Variants in CDH12 observed in about 807,000 individuals in gnomAD.
CDH12 encodes cadherin 12.
In CDH12, 41 loss-of-function variants were observed where a neutral mutation model predicts 74.1. That is an observed-to-expected ratio of 0.55 (90% CI 0.43 to 0.72). CDH12 has a LOEUF of 0.72. CDH12 is among the 30% of genes least tolerant of loss of function. The probability of loss-of-function intolerance (pLI) is 0.00; values close to 1 mark genes in which losing one functional copy is unlikely to be tolerated. For synonymous variants in CDH12, 399 were observed against 355.0 expected, an observed-to-expected ratio of 1.12 and a Z score of -1.39; for missense variants, 945 against 977.2, an observed-to-expected ratio of 0.97 and a Z score of 0.44.
intron 2 of CDH12, among the ~76,000 whole-genome samples, chr5:22,422,580 A>G (rs1210458578): frequency 6.6e-6 from 1 of 152,166 alleles, no homozygotes; most frequent in East Asian, 1.9e-4. Flanking sequence ...GATATCAACA[A>G]ATAACACTTG....
chr5:21,933,554 A>G (rs1754940033), intron 6 of CDH12, among the ~76,000 whole-genome samples: 1 of 152,228 alleles, frequency 6.6e-6, no homozygotes, highest in African/African-American at 2.4e-5. Context: ...TTGATGGAAT[A>G]TCATCCATAT....
At chr5:22,823,281 C>T (rs1002496365) in intron 1 of CDH12, among the ~76,000 whole-genome samples, 9 of 151,636 alleles carry the variant, frequency 5.9e-5, no homozygotes, top group South Asian at 4.2e-4. Context: ...ACACCTAATG[C>T]TAAATGACGA....
intron 1 of CDH12, among the ~76,000 whole-genome samples, chr5:22,564,737 G>A (rs1739211883): frequency 6.6e-6 from 1 of 151,778 alleles, no homozygotes; most frequent in African/African-American, 2.4e-5. Context: ...TTGATTTGTT[G>A]TATTTAACTT....
intron 1 of CDH12, among the ~76,000 whole-genome samples, chr5:22,673,072 A>G (rs1239030522): frequency 3.3e-5 from 5 of 152,020 alleles, no homozygotes; most frequent in Admixed American, 3.3e-4. Flanking sequence ...CCTTGTAACA[A>G]AAGTCAATTA....
chr5:21,892,010 T>G (rs1344297987), intron 6 of CDH12, among the ~76,000 whole-genome samples: 1 of 152,164 alleles, frequency 6.6e-6, no homozygotes, highest in African/African-American at 2.4e-5. Context: ...TTTTAGCTGA[T>G]CATGACTGCT....
chr5:22,358,170 A>G (rs1404098100), intron 3 of CDH12, among the ~76,000 whole-genome samples: 1 of 152,138 alleles, frequency 6.6e-6, no homozygotes, highest in Non-Finnish European at 1.5e-5. Context: ...ACACTTTGGG[A>G]GGCCAAGGCA....
chr5:21,752,420 C>A (rs1744149380), intron 14 of CDH12, among the ~76,000 whole-genome samples, 184 bp from the exon 15 acceptor site: 1 of 151,998 alleles, frequency 6.6e-6, no homozygotes, highest in Non-Finnish European at 1.5e-5. Flanking sequence ...TGTTAACTAA[C>A]AAGAAACCAT....
chr5:21,865,657 T>A lies in CDH12; in HGVS notation c.527-10867A>T, dbSNP rs113385944. ...AGCTTTGACCCACCACTCAGGAAGG[T>A]ACAAGCTGTAAACCTTGGCTGTAGG... On this transcript the variant is annotated intron_variant, in intron 6 of 14. Transcript: ENST00000382254. 5.7e-3 allele frequency among the ~76,000 whole-genome samples: 871 copies of A among 152,214 alleles called. 12 individuals are homozygous for A. Among genetic ancestry groups the A allele is most frequent in the African/African-American group, 0.02 (835 of 41,552 alleles).
At chr5:21,880,322 C>T (rs1233102860) in intron 6 of CDH12, among the ~76,000 whole-genome samples, 2 of 152,204 alleles carry the variant, frequency 1.3e-5, no homozygotes, top group Non-Finnish European at 2.9e-5. Context: ...CTGTTAGTTT[C>T]CTTCTACTGG....
intron 3 of CDH12, among the ~76,000 whole-genome samples, chr5:22,352,610 C>T (rs770233923): frequency 3.3e-5 from 5 of 152,066 alleles, no homozygotes; most frequent in Admixed American, 6.6e-5. Flanking sequence ...CTTCACAGTG[C>T]TTTGGGAAAT....
At chr5:22,422,916 A>G (rs1323620495) in intron 2 of CDH12, among the ~76,000 whole-genome samples, 1 of 152,174 alleles carries the variant, frequency 6.6e-6, no homozygotes, top group Non-Finnish European at 1.5e-5. Context: ...TAGAAGTGTT[A>G]CACTTCAATA....
At chr5:22,567,165 A>T (rs572112762) in intron 1 of CDH12, among the ~76,000 whole-genome samples, 1 of 152,264 alleles carries the variant, frequency 6.6e-6, no homozygotes, top group East Asian at 2.0e-4. Context: ...GCAGCTACGC[A>T]TCAAAGTAAC....
rs187370978 is a variant in CDH12, at chr5:22,284,231, G to T, written c.-332-71588C>A. ...ACGAGAAAAAAGTAGTAATGAGCAT[G>T]AAAAACCTTATGTATTTATTAACTG... is the stretch of plus-strand genomic sequence containing the variant. On this transcript the variant is annotated intron_variant, in intron 3 of 14. Coordinates refer to ENST00000382254, the MANE Select transcript of CDH12 (RefSeq NM_004061.5). 4.4e-3 allele frequency among the ~76,000 whole-genome samples: 668 copies of T among 152,214 alleles called. 5 individuals are homozygous for T. The highest frequency in any genetic ancestry group is 5.6e-3 in the Admixed American group (86 of 15,264).
chr5:21,983,566 G>T (rs1325830519), intron 5 of CDH12, among the ~76,000 whole-genome samples: 1 of 151,990 alleles, frequency 6.6e-6, no homozygotes, highest in Non-Finnish European at 1.5e-5. Flanking sequence ...TTTGAGATTG[G>T]ACACTTAGTA....
At chr5:22,811,650 T>C (rs1328378378) in intron 1 of CDH12, among the ~76,000 whole-genome samples, 1 of 152,186 alleles carries the variant, frequency 6.6e-6, no homozygotes, top group African/African-American at 2.4e-5. Flanking sequence ...ATGTTTATTT[T>C]AAAAGGAACT....
chr5:22,129,864 C>T (rs1746088071), intron 4 of CDH12, among the ~76,000 whole-genome samples: 1 of 151,966 alleles, frequency 6.6e-6, no homozygotes, highest in Non-Finnish European at 1.5e-5. Flanking sequence ...TCAATATAAA[C>T]TTTTGCCAGA....
At chr5:22,476,417 T>C (rs965507205) in intron 2 of CDH12, among the ~76,000 whole-genome samples, 7 of 152,102 alleles carry the variant, frequency 4.6e-5, no homozygotes, top group African/African-American at 1.7e-4. Context: ...TAATCTATAT[T>C]AAACATAAAA....
chr5:22,072,450 T>C (rs1171991499), intron 5 of CDH12, among the ~76,000 whole-genome samples: 1 of 151,980 alleles, frequency 6.6e-6, no homozygotes, highest in East Asian at 1.9e-4. Flanking sequence ...ACTTCCTCAT[T>C]TGTGATGATT....
At chr5:22,061,159 A>C (rs1176849649) in intron 5 of CDH12, among the ~76,000 whole-genome samples, 1 of 152,210 alleles carries the variant, frequency 6.6e-6, no homozygotes, top group East Asian at 1.9e-4. Context: ...AGGTGGTTAC[A>C]CTGATATATG....
Sources: gnomAD v4.1 joint callset for allele counts (sites outside exome capture counted in the v4.1 genomes callset) on GRCh38, gnomAD v4.1.1 for gene constraint, MANE v1.5 for transcripts, NCBI Gene and HGNC (gene_info 2026-07-23, HGNC 2026-07-21) for gene names.